Variants in DYM observed in about 807,000 individuals in gnomAD.
DYM encodes the protein dyggve-Melchior-Clausen syndrome protein.
Under a neutral mutation model 93.1 loss-of-function variants are expected in DYM, and 78 were observed. The observed-to-expected ratio is 0.84, with a 90% CI of 0.70 to 1.01. The LOEUF (loss-of-function observed/expected upper bound fraction) is 1.01. Among genes scored for constraint, DYM ranks in the 50% least tolerant of loss-of-function variants. DYM has a pLI of 0.00. For missense variants in DYM, 789 were observed against 845.0 expected (o/e 0.93, Z 0.82); for synonymous variants, 321 against 319.7 (o/e 1.00, Z -0.04).
At chr18:49,136,346 A>G (rs561625304) in intron 15 of DYM, among the ~76,000 whole-genome samples, 2 of 152,338 alleles carry the variant, frequency 1.3e-5, no homozygotes, top group South Asian at 4.1e-4. Context: ...TATATGTTAT[A>G]TATATATCCC....
intron 16 of DYM, among the ~76,000 whole-genome samples, chr18:49,107,205 T>C (rs1329466333): frequency 1.3e-5 from 2 of 152,250 alleles, no homozygotes; most frequent in African/African-American, 2.4e-5. Context: ...AAGTGGCTAC[T>C]GAGGCTTGTG....
intron 14 of DYM, among the ~76,000 whole-genome samples, chr18:49,187,983 T>C (rs2090612689): frequency 6.6e-6 from 1 of 152,238 alleles, no homozygotes; most frequent in African/African-American, 2.4e-5. Context: ...AAACAACTTA[T>C]TGATTCTTTT....
intron 13 of DYM, among the ~76,000 whole-genome samples, chr18:49,237,092 G>A (rs76959377): frequency 0.059 from 8,896 of 151,968 alleles, 872 homozygotes; most frequent in African/African-American, 0.2. Context: ...TGGAACCCGG[G>A]AATCAATCAC....
chr18:49,043,947 A>G lies in DYM; in HGVS notation c.*108T>C, dbSNP rs1388153721. On this transcript the variant is annotated 3_prime_UTR_variant, in exon 18 of 18. Transcript: ENST00000675505. ...AAAACACACTCGTGCAATCCTCTTT[A>G]ACAGAAGATACACCAAGTAACCTGT... 6.7e-6 allele frequency: 9 copies of G among 1,342,780 alleles called. No individual in the cohort carries two copies. Among genetic ancestry groups the G allele is most frequent in the African/African-American group, 1.5e-5 (1 of 68,508 alleles). 83.2% of individuals were successfully genotyped at this position (1,342,780 alleles called of 1,614,324 possible).
At chr18:49,258,699 G>A (rs996399420) in intron 11 of DYM, among the ~76,000 whole-genome samples, 3 of 151,736 alleles carry the variant, frequency 2.0e-5, no homozygotes, top group South Asian at 2.1e-4. Flanking sequence ...CAGCTCTGGC[G>A]CACACCTCCG....
At chr18:49,333,297 A>C (rs2063440430) in intron 7 of DYM, among the ~76,000 whole-genome samples, 1 of 152,238 alleles carries the variant, frequency 6.6e-6, no homozygotes, top group African/African-American at 2.4e-5. Context: ...GGCTCAAAGA[A>C]GTAGGAATAG....
chr18:49,139,251 T>C (rs2084193841), intron 15 of DYM, among the ~76,000 whole-genome samples: 1 of 152,162 alleles, frequency 6.6e-6, no homozygotes, highest in Non-Finnish European at 1.5e-5. Context: ...CTCTGATCCA[T>C]CCTTTCCCTT....
Position 49,315,214 on chromosome 18 carries a change from T to TAA in DYM, c.763+16648_763+16649dup, listed in dbSNP as rs201223596. Reference sequence around the variant, plus strand: ...TGGGTGACAGAGCAAGACCCTGTGTTAAAAAAAAAAAAAGAAGAAAGAAAG... The same window carrying TAA: ...TGGGTGACAGAGCAAGACCCTGTGTTAAAAAAAAAAAAAAAGAAGAAAGAAAG... On this transcript the variant is annotated intron_variant, in intron 8 of 17. Coordinates refer to ENST00000675505, the MANE Select transcript of DYM (RefSeq NM_001353214.3). Among the ~76,000 whole-genome samples the TAA allele has an allele frequency of 1.4e-3, 207 of 146,118 alleles. 1 individual carries two copies. Among genetic ancestry groups the TAA allele is most frequent in the East Asian group, 4.8e-3 (24 of 5,038 alleles).
At chr18:49,390,731 T>A (rs2069147778) in intron 3 of DYM, 1 of 152,226 alleles carries the variant, frequency 6.6e-6, no homozygotes, top group Admixed American at 6.5e-5. Context: ...GGTCTTGAAC[T>A]CCTGACTTCG....
intron 1 of DYM, among the ~76,000 whole-genome samples, chr18:49,444,429 G>C (rs1010660559): frequency 1.3e-5 from 2 of 152,168 alleles, no homozygotes; most frequent in Non-Finnish European, 2.9e-5. Context: ...TCAGCCTAAA[G>C]TTAGAAGGAC....
chr18:49,214,358 T>C (rs139338356), intron 13 of DYM, among the ~76,000 whole-genome samples: 113 of 152,280 alleles, frequency 7.4e-4, no homozygotes, highest in African/African-American at 2.4e-3. Context: ...ATGCGAGGAA[T>C]TGAGGTTGTA....
At chr18:49,080,164 C>G (rs2077734057) in intron 17 of DYM, among the ~76,000 whole-genome samples, 1 of 46,992 alleles carries the variant, frequency 2.1e-5, no homozygotes, top group Non-Finnish European at 3.7e-5. Flanking sequence ...GGGGGGCTGA[C>G]CCCCCCACCT....
rs1218919830 is a variant in DYM, at chr18:49,317,605, CCCCCT to C, written c.763+14254_763+14258del. On this transcript the variant is annotated intron_variant, in intron 8 of 17. Coordinates refer to ENST00000675505, the MANE Select transcript of DYM (RefSeq NM_001353214.3). The stretch of plus-strand genomic sequence containing the variant: ...TCTCTCTCTCTCTCTCTCCCCCCTC[CCCCCT>C]CCCTCCCTCCCTCCCTCCCTCTCCT... 1.6e-3 allele frequency among the ~76,000 whole-genome samples: 33 copies of C among 20,664 alleles called. 3 individuals carry two copies. The East Asian group carries it at 0.036, about 22-fold the overall frequency. The allele number at this position is 20,664 out of a possible 152,430, so 13.6% of individuals were successfully genotyped here. A position where few individuals can be genotyped will look rare whatever the true frequency, so the allele number is the denominator to read the frequency against.
chr18:49,089,569 G>A (rs2078857488), intron 17 of DYM, among the ~76,000 whole-genome samples: 1 of 152,200 alleles, frequency 6.6e-6, no homozygotes, highest in African/African-American at 2.4e-5. Flanking sequence ...GCAGGGAATT[G>A]AAGAAAACTG....
At chr18:49,364,067 T>C (rs2147378696) in intron 5 of DYM, among the ~76,000 whole-genome samples, 1 of 152,354 alleles carries the variant, frequency 6.6e-6, no homozygotes, top group Middle Eastern at 3.4e-3. Context: ...ACTATTGGCA[T>C]GTTCCCCAGA....
chr18:49,396,724 T>C (rs1437827359), intron 2 of DYM, among the ~76,000 whole-genome samples: 4 of 152,164 alleles, frequency 2.6e-5, no homozygotes, highest in Non-Finnish European at 4.4e-5. Context: ...ATATACACAA[T>C]GGAATACTAT....
intron 13 of DYM, among the ~76,000 whole-genome samples, chr18:49,216,115 G>A (rs967786611): frequency 4.6e-5 from 7 of 152,158 alleles, no homozygotes; most frequent in South Asian, 2.1e-4. Flanking sequence ...CACCTGGCTC[G>A]GAGGGTCCTA....
intron 13 of DYM, among the ~76,000 whole-genome samples, chr18:49,214,033 T>C (rs2092917643): frequency 6.6e-6 from 1 of 152,202 alleles, no homozygotes; most frequent in Non-Finnish European, 1.5e-5. Flanking sequence ...TTTTTTTAGG[T>C]GGCCATTTTA....
chr18:49,253,922 A>T (rs886955429), intron 13 of DYM, among the ~76,000 whole-genome samples: 1 of 152,120 alleles, frequency 6.6e-6, no homozygotes, highest in African/African-American at 2.4e-5. Flanking sequence ...GCCCCTCCAC[A>T]GTAATAGCCC....
Sources: gnomAD v4.1 joint callset for allele counts (sites outside exome capture counted in the v4.1 genomes callset) on GRCh38, gnomAD v4.1.1 for gene constraint, MANE v1.5 for transcripts, NCBI Gene and HGNC (gene_info 2026-07-23, HGNC 2026-07-21) for gene names.